Variants in MMP15 observed in about 807,000 individuals in gnomAD.
The protein encoded by MMP15 is matrix metallopeptidase 15, also known as matrix metalloproteinase-15.
In MMP15, 36 loss-of-function variants were observed where a neutral mutation model predicts 65.0. That is an observed-to-expected ratio of 0.55 (90% confidence interval 0.42 to 0.73). The LOEUF (loss-of-function observed/expected upper bound fraction) is 0.73. Among genes scored for constraint, MMP15 ranks in the 30% least tolerant of loss-of-function variants. MMP15 has a pLI of 0.00. For synonymous variants in MMP15, 428 were observed against 410.2 expected (o/e 1.04, Z -0.52); for missense variants, 870 against 987.8 (o/e 0.88, Z 1.60).
intron 5 of MMP15, 58 bp from the exon 6 acceptor site, chr16:58,041,559 G>A (rs1959453787): frequency 1.3e-6 from 2 of 1,547,832 alleles, no homozygotes. Context: ...GGGGCCCCGG[G>A]GCCCAGGGTT....
intron 1 of MMP15, among the ~76,000 whole-genome samples, chr16:58,035,755 G>T (rs980377891): frequency 1.8e-4 from 27 of 152,180 alleles, no homozygotes; most frequent in Non-Finnish European, 3.4e-4. Context: ...TTGCTCTGGG[G>T]CTGTTTCCCG....
At chr16:58,040,268 C>T (rs1165956615) in intron 4 of MMP15, 86 bp downstream of exon 4, 10 of 1,392,880 alleles carry the variant, frequency 7.2e-6, no homozygotes, top group South Asian at 1.4e-5. Flanking sequence ...TCAGCAGCCG[C>T]GGGGCTGGGA....
Position 58,041,615 on chromosome 16 carries a change from AG to A in MMP15, c.911del. The A allele has an allele frequency of 6.4e-7, 1 of 1,571,942 alleles. No individual in the cohort carries two copies. The highest frequency in any genetic ancestry group is 8.6e-7 in the Non-Finnish European group (1 of 1,159,850). ...CACTTCTGAACCCCTGCCTCTCTGC[AG>A]GTACCCCAGACGGTCAGCCACAGCC... On this transcript the variant is annotated splice_acceptor_variant, in intron 5 of 9. Transcript: ENST00000219271. LOFTEE classifies it high-confidence loss of function.
chr16:58,028,461 A>G (rs1010049564), intron 1 of MMP15, among the ~76,000 whole-genome samples: 2 of 152,182 alleles, frequency 1.3e-5, no homozygotes, highest in South Asian at 2.1e-4. Context: ...GGCTTTGGGT[A>G]CAGGCTGCTT....
chr16:58,036,000 T>C (rs1418885045), intron 1 of MMP15, among the ~76,000 whole-genome samples: 2 of 152,256 alleles, frequency 1.3e-5, no homozygotes, highest in African/African-American at 2.4e-5. Flanking sequence ...CAGGCAGATA[T>C]GTGAGTGTGA....
At chr16:58,043,403 AG>A in intron 8 of MMP15, 43 bp downstream of exon 8, 1 of 1,594,038 alleles carries the variant, frequency 6.3e-7, no homozygotes, top group Non-Finnish European at 8.5e-7. Context: ...GGCCCCATCT[AG>A]GCCCCCCTCA....
Position 58,026,436 on chromosome 16 carries a change from T to C in MMP15, c.86T>C (p.Leu29Pro). ...GDREEAARPR[L>P]LPLLLVLLGC... ...CGGGAGGAGGCGGCGCGGCCGCGACTGCTGCCGCTGCTCCTGGTGCTTCTG... is the reference window on the plus strand; with the variant it reads ...CGGGAGGAGGCGGCGCGGCCGCGACCGCTGCCGCTGCTCCTGGTGCTTCTG... Residue 29 changes from leucine (L) to proline (P), a missense_variant, in exon 1 of 10, where the codon CTG (leucine) becomes CCG (proline). Coordinates refer to ENST00000219271, the MANE Select transcript of MMP15 (RefSeq NM_002428.4). 6.9e-7 allele frequency: 1 copy of C among 1,451,202 alleles called. No homozygotes were observed. The highest frequency in any genetic ancestry group is 9.1e-7 in the Non-Finnish European group (1 of 1,104,864). 89.9% of individuals were successfully genotyped at this position (1,451,202 alleles called of 1,614,324 possible). A position where few individuals can be genotyped will look rare whatever the true frequency, so the allele number is the denominator to read the frequency against.
intron 5 of MMP15, 83 bp from the exon 6 acceptor site, chr16:58,041,534 G>T: frequency 2.1e-6 from 3 of 1,450,450 alleles, no homozygotes. Context: ...TTTCCGCGTG[G>T]GTGGGCCTGT....
intron 1 of MMP15, among the ~76,000 whole-genome samples, chr16:58,035,641 TAAG>T (rs1274751928): frequency 3.9e-5 from 6 of 152,236 alleles, no homozygotes; most frequent in South Asian, 2.1e-4. Flanking sequence ...CCGACAGAGA[TAAG>T]GAGGTGGAGT....
rs1959555961 is a variant in MMP15, at chr16:58,045,935, G to A, written c.*489G>A. 6.2e-6 allele frequency: 1 copy of A among 162,240 alleles called. No homozygotes were observed. The highest frequency in any genetic ancestry group is 1.7e-4 in the South Asian group (1 of 5,944). The allele number at this position is 162,240 out of a possible 1,614,324, so 10.1% of individuals were successfully genotyped here. On this transcript the variant is annotated 3_prime_UTR_variant, in exon 10 of 10. Coordinates refer to ENST00000219271, the MANE Select transcript of MMP15 (RefSeq NM_002428.4). ...CCCCAGGCCAAAGGGGACCTGGAAG[G>A]GAGGTGGGCCGTGGCCCTTGAGTCC...
rs1959489702 is a variant in MMP15 at position 58,043,271 on chromosome 16, C to T, written c.1365C>T (p.Thr455=). ...NLEPGYPQPL[T]SYGLGIPYDR... is the part of the protein sequence containing the mutation. The stretch of plus-strand genomic sequence containing the variant: ...AGCCCGGCTACCCACAGCCGCTGAC[C>T]AGCTATGGCCTGGGCATCCCCTATG... Residue 455 remains threonine (T), a synonymous_variant, in exon 8 of 10, where the codon ACC becomes ACT. Coordinates refer to ENST00000219271, the MANE Select transcript of MMP15 (RefSeq NM_002428.4). 1 of 1,602,180 alleles carries T rather than the reference C, an allele frequency of 6.2e-7. No homozygotes were observed. The highest frequency in any genetic ancestry group is 1.3e-5 in the African/African-American group (1 of 74,822).
rs990542799 is a variant in MMP15, at chr16:58,042,015, A to G, written c.1164+145A>G. On this transcript the variant is annotated intron_variant, in intron 6 of 9. Coordinates refer to ENST00000219271, the MANE Select transcript of MMP15 (RefSeq NM_002428.4). ...GGAATCCAGCCCAAGAGGTTGAGGGACTTGCCCAGGGTCACACAGCAAGCC... is the reference window on the plus strand; with the variant it reads ...GGAATCCAGCCCAAGAGGTTGAGGGGCTTGCCCAGGGTCACACAGCAAGCC... 5.1e-6 allele frequency: 6 copies of G among 1,179,398 alleles called. No homozygotes were observed. In the African/African-American group the frequency reaches 9.3e-5, roughly 18 times the overall value. The allele number at this position is 1,179,398 out of a possible 1,614,324, so 73.1% of individuals were successfully genotyped here. A position where few individuals can be genotyped will look rare whatever the true frequency, so the allele number is the denominator to read the frequency against.
Position 58,039,524 on chromosome 16 carries a change from C to T in MMP15, c.441-351C>T, listed in dbSNP as rs191175836. On this transcript the variant is annotated intron_variant, in intron 3 of 9. Transcript: ENST00000219271. ...GAGCCAGGCCTTGAACTCAGGTCTG[C>T]CTGACCCTGGAGCTCAACATTGAGA... is the stretch of plus-strand genomic sequence containing the variant. Among the ~76,000 whole-genome samples the T allele has an allele frequency of 2.6e-3, 395 of 152,340 alleles. 1 individual carries two copies. Among genetic ancestry groups the T allele is most frequent in the South Asian group, 0.018 (88 of 4,830 alleles).
chr16:58,037,036 C>G (rs562487811), intron 1 of MMP15, among the ~76,000 whole-genome samples: 29 of 152,298 alleles, frequency 1.9e-4, no homozygotes, highest in African/African-American at 7.0e-4. Context: ...AAACAGCGAC[C>G]TGAAGAAAAT....
intron 1 of MMP15, among the ~76,000 whole-genome samples, chr16:58,032,117 G>A (rs1374195093): frequency 3.3e-5 from 5 of 152,010 alleles, no homozygotes; most frequent in Admixed American, 6.6e-5. Flanking sequence ...TGCCCGCCTC[G>A]GCCTCCCAAA....
In MMP15 at chr16:58,040,604, C is replaced by T. The variant is rs182288967; in HGVS notation, c.816C>T (p.Asn272=). The change falls in exon 5 of 10, where the codon AAC becomes AAT. Residue 272 remains asparagine, a synonymous_variant. Transcript: ENST00000219271. Reference sequence around the variant, plus strand: ...CGCTGGGGCTGGAGCACTCCAGCAACCCCAATGCCATCATGGCGCCGTTCT... The same window carrying T: ...CGCTGGGGCTGGAGCACTCCAGCAATCCCAATGCCATCATGGCGCCGTTCT... The part of the protein sequence containing the change: ...GHALGLEHSS[N]PNAIMAPFYQ... 1.4e-5 allele frequency: 22 copies of T among 1,614,142 alleles called. No individual in the cohort carries two copies. Among genetic ancestry groups the T allele is most frequent in the Admixed American group, 3.3e-5 (2 of 60,030 alleles).
chr16:58,043,358 C>G lies in MMP15; in HGVS notation c.1452C>G (p.Asp484Glu). 1 of 1,604,638 alleles carries G rather than the reference C, an allele frequency of 6.2e-7. No individual in the cohort carries two copies. Among genetic ancestry groups the G allele is most frequent in the Non-Finnish European group, 8.5e-7 (1 of 1,175,094 alleles). ...GCCACACCTTCTTCTTCCAAGAGGA[C>G]AGGTGAGCAGTGCGTCCCTCCCCTA... ...PTGHTFFFQE[D>E]RYWRFNEETQ... The change falls in exon 8 of 10, where the codon GAC becomes GAG. Residue 484 changes from aspartate (D) to glutamate (E), a missense_variant and splice_region_variant. Coordinates refer to ENST00000219271, the MANE Select transcript of MMP15 (RefSeq NM_002428.4).
At chr16:58,038,164 G>C in intron 2 of MMP15, 102 bp from the exon 3 acceptor site, 1 of 1,489,772 alleles carries the variant, frequency 6.7e-7, no homozygotes, top group South Asian at 1.2e-5. Context: ...TGTCATAGGA[G>C]GGGCGGCTGG....
At chr16:58,034,658 T>C (rs1959294688) in intron 1 of MMP15, among the ~76,000 whole-genome samples, 1 of 152,182 alleles carries the variant, frequency 6.6e-6, no homozygotes. Context: ...CCCCAATCAC[T>C]GCCCAAGGGG....
Sources: gnomAD v4.1 joint callset for allele counts (sites outside exome capture counted in the v4.1 genomes callset) on GRCh38, gnomAD v4.1.1 for gene constraint, MANE v1.5 for transcripts, NCBI Gene and HGNC (gene_info 2026-07-23, HGNC 2026-07-21) for gene names.